KCNH7: variants seen among roughly 807,000 people sequenced by gnomAD.
KCNH7 encodes the protein potassium voltage-gated channel subfamily H member 7, also known as voltage-gated inwardly rectifying potassium channel KCNH7.
In KCNH7, 49 loss-of-function variants were observed where a neutral mutation model predicts 120.8. The ratio of observed to expected loss-of-function variants is 0.41; its 90% confidence interval spans 0.32 to 0.51. The LOEUF (loss-of-function observed/expected upper bound fraction) is 0.51. KCNH7 is among the 20% of genes least tolerant of loss of function. KCNH7 has a pLI of 0.38. For synonymous variants in KCNH7, 547 were observed against 516.1 expected, an observed-to-expected ratio of 1.06 and a Z score of -0.81; for missense variants, 1,097 against 1,446.6, an observed-to-expected ratio of 0.76 and a Z score of 3.92.
Position 162,575,305 on chromosome 2 carries a change from C to T in KCNH7, c.308-38225G>A, listed in dbSNP as rs962196574. Among the ~76,000 whole-genome samples the T allele has an allele frequency of 9.9e-5, 15 of 152,200 alleles. 1 individual carries two copies. Among genetic ancestry groups the T allele is most frequent in the Admixed American group, 7.9e-4 (12 of 15,274 alleles). Reference sequence around the variant, plus strand: ...CTTATTCCTCAATCATGGTTCTCTTCCCGCATTTACCCTACTCTGGCTTTC... The same window carrying T: ...CTTATTCCTCAATCATGGTTCTCTTTCCGCATTTACCCTACTCTGGCTTTC... On this transcript the variant is annotated intron_variant, in intron 2 of 15. Coordinates refer to ENST00000332142, the MANE Select transcript of KCNH7 (RefSeq NM_033272.4).
At chr2:162,451,788 C>T (rs1688779374) in intron 6 of KCNH7, among the ~76,000 whole-genome samples, 1 of 152,044 alleles carries the variant, frequency 6.6e-6, no homozygotes, top group South Asian at 2.1e-4. Context: ...TGGCTCAGCA[C>T]TCCCAAAAGA....
At chr2:162,619,144 G>A (rs1683250459) in intron 2 of KCNH7, among the ~76,000 whole-genome samples, 1 of 151,970 alleles carries the variant, frequency 6.6e-6, no homozygotes, top group Non-Finnish European at 1.5e-5. Flanking sequence ...TCAGAGCTGT[G>A]CTAGGCTATT....
chr2:162,610,011 T>C (rs886615558), intron 2 of KCNH7, among the ~76,000 whole-genome samples: 3 of 152,188 alleles, frequency 2.0e-5, no homozygotes, highest in Admixed American at 6.5e-5. Flanking sequence ...TTGGGGAAGA[T>C]GACACTTACT....
intron 2 of KCNH7, among the ~76,000 whole-genome samples, chr2:162,762,827 G>A (rs1458089679): frequency 2.6e-5 from 4 of 152,036 alleles, no homozygotes; most frequent in African/African-American, 9.7e-5. Context: ...TTAGGAAACT[G>A]TAAAGGTATA....
chr2:162,802,275 G>C (rs921332474), intron 2 of KCNH7, among the ~76,000 whole-genome samples: 5 of 151,662 alleles, frequency 3.3e-5, no homozygotes, highest in African/African-American at 1.2e-4. Flanking sequence ...ACTCAAATGG[G>C]CTGGGAAAAA....
chr2:162,792,729 A>C (rs1172284763), intron 2 of KCNH7, among the ~76,000 whole-genome samples: 1 of 145,822 alleles, frequency 6.9e-6, no homozygotes, highest in East Asian at 2.0e-4. Flanking sequence ...TTTCAAAAAA[A>C]ACCCAGCTCC....
intron 2 of KCNH7, among the ~76,000 whole-genome samples, chr2:162,703,552 G>A (rs191236577): frequency 1.1e-4 from 17 of 152,234 alleles, no homozygotes; most frequent in Non-Finnish European, 1.9e-4. Flanking sequence ...ATAAATGTTT[G>A]CATTACAGTA....
intron 5 of KCNH7, among the ~76,000 whole-genome samples, chr2:162,506,890 G>A (rs1426329325): frequency 6.6e-6 from 1 of 151,746 alleles, no homozygotes; most frequent in Non-Finnish European, 1.5e-5. Context: ...TCACAATTAT[G>A]AAAGAATTTC....
intron 2 of KCNH7, among the ~76,000 whole-genome samples, chr2:162,830,746 A>C (rs1685450884): frequency 6.6e-6 from 1 of 152,170 alleles, no homozygotes. Flanking sequence ...GAGGCTTCAG[A>C]GAGCTGACTG....
chr2:162,472,443 C>T (rs536864626), intron 6 of KCNH7, among the ~76,000 whole-genome samples: 2 of 152,282 alleles, frequency 1.3e-5, no homozygotes, highest in African/African-American at 2.4e-5. Context: ...TGAACAGACA[C>T]TTCACAAAAG....
intron 6 of KCNH7, among the ~76,000 whole-genome samples, chr2:162,480,526 G>T (rs1049502274): frequency 6.6e-6 from 1 of 152,200 alleles, no homozygotes; most frequent in Middle Eastern, 3.4e-3. Flanking sequence ...ATTCATTTGA[G>T]TTAATTAATT....
intron 2 of KCNH7, among the ~76,000 whole-genome samples, chr2:162,716,376 AT>A (rs1687125505): frequency 6.6e-6 from 1 of 152,116 alleles, no homozygotes; most frequent in Admixed American, 6.6e-5. Context: ...AAGGCACTGA[AT>A]TAGGTTTGGT....
chr2:162,523,534 C>T (rs1377774627), intron 3 of KCNH7, among the ~76,000 whole-genome samples: 1 of 151,508 alleles, frequency 6.6e-6, no homozygotes, highest in Non-Finnish European at 1.5e-5. Flanking sequence ...CTACTATATT[C>T]TCTCCCTCTT....
chr2:162,454,768 C>A (rs1466340598), intron 6 of KCNH7, among the ~76,000 whole-genome samples: 1 of 151,764 alleles, frequency 6.6e-6, no homozygotes, highest in Non-Finnish European at 1.5e-5. Context: ...GAATGCTTGT[C>A]GTTTTTGCAC....
chr2:162,433,812 C>A (rs942198713), intron 8 of KCNH7, among the ~76,000 whole-genome samples: 3 of 151,988 alleles, frequency 2.0e-5, no homozygotes, highest in Non-Finnish European at 4.4e-5. Context: ...CTGTGGAATG[C>A]AGTTTGAAGG....
At chr2:162,603,105 G>C (rs1354138978) in intron 2 of KCNH7, among the ~76,000 whole-genome samples, 4 of 151,826 alleles carry the variant, frequency 2.6e-5, no homozygotes, top group Admixed American at 2.0e-4. Flanking sequence ...TTGAGTTTTG[G>C]CAACAATTCT....
intron 2 of KCNH7, among the ~76,000 whole-genome samples, chr2:162,695,516 T>C (rs747768681): frequency 2.6e-5 from 4 of 152,164 alleles, no homozygotes; most frequent in African/African-American, 7.2e-5. Context: ...CATAGGCCCA[T>C]GGATATTTGA....
rs546668211 is a variant in KCNH7 at position 162,555,690 on chromosome 2, C to G, written c.308-18610G>C. 4.6e-5 allele frequency among the ~76,000 whole-genome samples: 7 copies of G among 151,872 alleles called. No homozygotes were observed. The South Asian group carries it at 1.5e-3, about 32-fold the overall frequency. ...AGCTGATAATATGGGATTCTTAGAC[C>G]CTAGGTTTTTCTGGTTCTCATGGTC... On this transcript the variant is annotated intron_variant, in intron 2 of 15. Transcript: ENST00000332142.
chr2:162,755,147 G>A (rs1248037230), intron 2 of KCNH7, among the ~76,000 whole-genome samples: 1 of 151,916 alleles, frequency 6.6e-6, no homozygotes, highest in African/African-American at 2.4e-5. Flanking sequence ...TTTTCTATAT[G>A]GTTGATGTTA....
Sources: allele counts gnomAD v4.1 joint callset (sites outside exome capture counted in the v4.1 genomes callset), GRCh38; gene constraint gnomAD v4.1.1; transcripts MANE v1.5; gene names NCBI Gene and HGNC (gene_info 2026-07-23, HGNC 2026-07-21).